Variants in MIOS observed in about 807,000 individuals in gnomAD.
The protein encoded by MIOS is GATOR2 complex protein MIOS.
Under a neutral mutation model 96.9 loss-of-function variants are expected in MIOS, and 52 were observed. That is an observed-to-expected ratio of 0.54 (90% CI 0.43 to 0.68). The LOEUF (loss-of-function observed/expected upper bound fraction) is 0.68, where lower values mean the gene tolerates loss of function less well. Ranked by LOEUF, MIOS falls within the 30% of genes least tolerant of loss-of-function variation. The probability of loss-of-function intolerance (pLI) is 0.00; values close to 1 mark genes in which losing one functional copy is unlikely to be tolerated. For missense variants in MIOS, 1,005 were observed against 1,052.8 expected (o/e 0.95, Z 0.63); for synonymous variants, 397 against 359.5 (o/e 1.10, Z -1.18).
At chr7:7,596,543 A>C in intron 11 of MIOS, 82 bp downstream of exon 11, 1 of 1,316,180 alleles carries the variant, frequency 7.6e-7, no homozygotes. Context: ...TAAAATACAA[A>C]CTAGCTAGAG....
chr7:7,588,855 T>G (rs1175613966), intron 8 of MIOS, among the ~76,000 whole-genome samples: 1 of 152,124 alleles, frequency 6.6e-6, no homozygotes, highest in Non-Finnish European at 1.5e-5. Flanking sequence ...GTTCCTCATT[T>G]TTACTACATT....
chr7:7,569,424 G>C (rs976257204), intron 3 of MIOS, among the ~76,000 whole-genome samples: 1 of 152,208 alleles, frequency 6.6e-6, no homozygotes, highest in Admixed American at 6.5e-5. Context: ...ATAAATGAAA[G>C]TATAATAGCA....
chr7:7,606,144 G>A, intron 12 of MIOS, 73 bp downstream of exon 12: 21 of 1,538,036 alleles, frequency 1.4e-5, no homozygotes, highest in South Asian at 8.8e-5. Flanking sequence ...AAATAGTTTG[G>A]GTTTATCTAT....
chr7:7,598,147 G>C (rs1196769767), intron 11 of MIOS, among the ~76,000 whole-genome samples: 2 of 152,128 alleles, frequency 1.3e-5, no homozygotes, highest in Non-Finnish European at 2.9e-5. Context: ...ATCATTTTGG[G>C]TATTTGGCAC....
intron 11 of MIOS, among the ~76,000 whole-genome samples, chr7:7,597,492 ATATATATATATATATATATATATAT>A (rs1784243642): frequency 1.6e-5 from 1 of 63,518 alleles, no homozygotes; most frequent in African/African-American, 5.7e-5. Context: ...ATATATATAT[ATATATATATATATATATATATATAT>A]GAAGGCAATA....
chr7:7,571,948 C>T (rs1259057487), intron 3 of MIOS, among the ~76,000 whole-genome samples: 1 of 152,170 alleles, frequency 6.6e-6, no homozygotes, highest in Non-Finnish European at 1.5e-5. Flanking sequence ...ATTTCTAGTG[C>T]TCAGTAGCTA....
At position 7,589,542 on chromosome 7, in the gene MIOS, A is replaced by G. The variant is rs770859433; in HGVS notation, c.2022A>G (p.Thr674=). The stretch of plus-strand genomic sequence containing the variant: ...TTGATAGAACTGGAGATGTTCAAAC[A>G]GCAAGTTACTGTATGTTACAGGTCA... The part of the protein sequence containing the change: ...SYVDRTGDVQ[T]ASYCMLQGSP... Residue 674 remains threonine (T), a synonymous_variant, in exon 9 of 13, where the codon ACA becomes ACG. Transcript: ENST00000340080. 1.2e-5 allele frequency: 20 copies of G among 1,612,434 alleles called. No individual in the cohort carries two copies. The highest frequency in any genetic ancestry group is 1.6e-5 in the Non-Finnish European group (19 of 1,178,930).
chr7:7,602,931 C>G (rs551308473), intron 11 of MIOS, among the ~76,000 whole-genome samples: 1 of 152,278 alleles, frequency 6.6e-6, no homozygotes, highest in African/African-American at 2.4e-5. Flanking sequence ...CTACAACCAT[C>G]TGATCTTTGA....
chr7:7,574,093 A>T lies in MIOS; in HGVS notation c.1295-5A>T. On this transcript the variant is annotated splice_region_variant and splice_polypyrimidine_tract_variant and intron_variant, in intron 4 of 12. Transcript: ENST00000340080. ...ATCACTAGTATTTCCTATGCATTTA[A>T]ATACTTATGAAGCAATACACAGAAG... 1 of 1,585,500 alleles carries T rather than the reference A, an allele frequency of 6.3e-7. No individual in the cohort carries two copies. Among genetic ancestry groups the T allele is most frequent in the Non-Finnish European group, 8.6e-7 (1 of 1,162,794 alleles).
intron 12 of MIOS, 108 bp from the exon 13 acceptor site, chr7:7,606,888 A>C: frequency 1.2e-6 from 1 of 853,584 alleles, no homozygotes; most frequent in Admixed American, 2.5e-5. Flanking sequence ...AAGTGTGCGT[A>C]CAGCCTGGGA....
In MIOS at chr7:7,607,043, A is replaced by G. The variant is rs751929011; in HGVS notation, c.2579A>G (p.Gln860Arg). 6.2e-7 allele frequency: 1 copy of G among 1,613,258 alleles called. No homozygotes were observed. Among genetic ancestry groups the G allele is most frequent in the South Asian group, 1.1e-5 (1 of 91,022 alleles). ...PVSACTCKCM[Q>R]LDTTGNLVPA... ...TCGGCATGCACGTGTAAATGTATGC[A>G]GTTGGATACAACAGGGAATCTGGTA... Residue 860 changes from glutamine (Q) to arginine (R), a missense_variant, in exon 13 of 13, where the codon CAG becomes CGG. Transcript: ENST00000340080.
chr7:7,572,509 C>T lies in MIOS; in HGVS notation c.34C>T (p.Pro12Ser), dbSNP rs1783387960. Residue 12 changes from proline (P) to serine (S), a missense_variant, in exon 4 of 13, where the codon CCA becomes TCA. Transcript: ENST00000340080. This position sits in a 1 kb window ranked among gnomAD's most constrained non-coding sequence, Gnocchi z 4.8. Reference sequence around the variant, plus strand: ...TACCAAACCTGATATTTTATGGGCACCACACCATGTTGATAGATTTGTTGT... The same window carrying T: ...TACCAAACCTGATATTTTATGGGCATCACACCATGTTGATAGATTTGTTGT... ...SGTKPDILWA[P>S]HHVDRFVVCD... 3.7e-6 allele frequency: 6 copies of T among 1,613,658 alleles called. No individual in the cohort carries two copies. In the Admixed American group the frequency reaches 5.0e-5, roughly 13 times the overall value.
chr7:7,604,078 G>T (rs867894655), intron 11 of MIOS, among the ~76,000 whole-genome samples: 9 of 151,354 alleles, frequency 5.9e-5, no homozygotes, highest in South Asian at 2.1e-4. Context: ...GTGCGGGGAA[G>T]GGGGAGGGAT....
intron 11 of MIOS, among the ~76,000 whole-genome samples, chr7:7,597,945 A>G (rs1006631267): frequency 2.6e-5 from 4 of 152,154 alleles, no homozygotes; most frequent in East Asian, 1.9e-4. Context: ...GATTACAGGC[A>G]TGAGCCACCA....
intron 9 of MIOS, among the ~76,000 whole-genome samples, chr7:7,593,289 T>C (rs1460762635): frequency 6.6e-6 from 1 of 152,240 alleles, no homozygotes; most frequent in Non-Finnish European, 1.5e-5. Flanking sequence ...GTGTTTCACA[T>C]GTTCTTTTAG....
At chr7:7,590,555 A>T (rs1784018457) in intron 9 of MIOS, among the ~76,000 whole-genome samples, 3 of 151,888 alleles carry the variant, frequency 2.0e-5, no homozygotes, top group African/African-American at 7.3e-5. Flanking sequence ...TGTTTCCTTC[A>T]TTTACATTTA....
chr7:7,589,766 C>G (rs1783996343), intron 9 of MIOS, among the ~76,000 whole-genome samples: 1 of 152,144 alleles, frequency 6.6e-6, no homozygotes, highest in Admixed American at 6.6e-5. Context: ...TTTTTCCTTT[C>G]AGTCTGAGAA....
chr7:7,592,872 G>A (rs560081596), intron 9 of MIOS, among the ~76,000 whole-genome samples: 3 of 152,156 alleles, frequency 2.0e-5, no homozygotes, highest in Non-Finnish European at 4.4e-5. Flanking sequence ...ACCAGGCTGT[G>A]GACCTGGGGG....
In MIOS at chr7:7,573,153, T is replaced by C. The variant is rs764631945; in HGVS notation, c.678T>C (p.Ala226=). The C allele has an allele frequency of 1.2e-6, 2 of 1,614,020 alleles. No individual in the cohort carries two copies. Among genetic ancestry groups the C allele is most frequent in the South Asian group, 2.2e-5 (2 of 91,086 alleles). ...TSQKMFVNTK[A]VQGVTVDPYF... ...AAAAGATGTTCGTAAATACAAAAGC[T>C]GTTCAGGGTGTGACGGTAGACCCAT... The change falls in exon 4 of 13, where the codon GCT becomes GCC. Residue 226 remains alanine (A), a synonymous_variant. Transcript: ENST00000340080. This position sits in a 1 kb window ranked among gnomAD's most constrained non-coding sequence, Gnocchi z 5.0.
Sources: allele counts gnomAD v4.1 joint callset (sites outside exome capture counted in the v4.1 genomes callset), GRCh38; gene constraint gnomAD v4.1.1; non-coding constraint Gnocchi (gnomAD v3.1); transcripts MANE v1.5; gene names NCBI Gene and HGNC (gene_info 2026-07-23, HGNC 2026-07-21).